Variants in FGF14 observed in about 807,000 individuals in gnomAD.
FGF14 encodes fibroblast growth factor homologous factor 4.
FGF14 carries 5 observed loss-of-function variants against 25.5 expected under a neutral mutation model. That is an observed-to-expected ratio of 0.20 (90% confidence interval 0.10 to 0.41). The LOEUF (loss-of-function observed/expected upper bound fraction) is 0.41. FGF14 is among the 10% of genes least tolerant of loss of function. The pLI is 1.00. For synonymous variants in FGF14, 138 were observed against 118.3 expected (o/e 1.17, Z -1.08); for missense variants, 222 against 320.1 (o/e 0.69, Z 2.34).
chr13:102,100,538 G>T (rs1035319083), intron 1 of FGF14, among the ~76,000 whole-genome samples: 1 of 152,182 alleles, frequency 6.6e-6, no homozygotes, highest in Non-Finnish European at 1.5e-5. Flanking sequence ...AGTGATATCA[G>T]TGACCAATGA....
intron 1 of FGF14, among the ~76,000 whole-genome samples, chr13:101,985,951 C>T (rs1015840551): frequency 6.6e-6 from 1 of 152,058 alleles, no homozygotes; most frequent in African/African-American, 2.4e-5. Flanking sequence ...CAACTGCTAC[C>T]TAAGATAAGG....
intron 1 of FGF14, among the ~76,000 whole-genome samples, chr13:102,134,124 A>G (rs1224401356): frequency 2.0e-5 from 3 of 152,224 alleles, no homozygotes; most frequent in Admixed American, 1.3e-4. Flanking sequence ...CAAATAAGTT[A>G]TAGTCCCTGC....
intron 4 of FGF14, among the ~76,000 whole-genome samples, chr13:101,723,582 G>A (rs2035149653): frequency 6.6e-6 from 1 of 151,928 alleles, no homozygotes; most frequent in African/African-American, 2.4e-5. Flanking sequence ...TACAATCATG[G>A]AAAAAGACCC....
intron 1 of FGF14, among the ~76,000 whole-genome samples, chr13:102,294,515 T>C (rs1405570790): frequency 6.6e-6 from 1 of 152,200 alleles, no homozygotes; most frequent in Non-Finnish European, 1.5e-5. Flanking sequence ...TTTCATGTTA[T>C]CTCTAAAAAT....
At chr13:101,835,949 G>A (rs961190038) in intron 3 of FGF14, among the ~76,000 whole-genome samples, 2 of 152,074 alleles carry the variant, frequency 1.3e-5, no homozygotes, top group Non-Finnish European at 2.9e-5. Flanking sequence ...ATGCAAAAGA[G>A]AGAGAGGGCT....
intron 1 of FGF14, among the ~76,000 whole-genome samples, chr13:101,994,492 T>G (rs1472682222): frequency 1.3e-5 from 2 of 152,026 alleles, no homozygotes; most frequent in Non-Finnish European, 2.9e-5. Flanking sequence ...ACAAGACTTT[T>G]TGTGTGTAAT....
intron 1 of FGF14, among the ~76,000 whole-genome samples, chr13:102,020,555 GAA>G (rs138235552): frequency 0.032 from 4,796 of 151,774 alleles, 243 homozygotes; most frequent in African/African-American, 0.11. Context: ...GAGAAACAAA[GAA>G]AGAGAGAGAG....
At chr13:102,309,727 C>G (rs1023844655) in intron 1 of FGF14, among the ~76,000 whole-genome samples, 2 of 152,168 alleles carry the variant, frequency 1.3e-5, no homozygotes. Context: ...ACATATTTAT[C>G]CATCAAAGGG....
chr13:102,211,827 A>C (rs1194446489), intron 1 of FGF14, among the ~76,000 whole-genome samples: 1 of 152,132 alleles, frequency 6.6e-6, no homozygotes, highest in East Asian at 1.9e-4. Flanking sequence ...CTGGGCAAGC[A>C]CTCTAGATCG....
chr13:102,380,299 C>T (rs1224772761), intron 1 of FGF14, among the ~76,000 whole-genome samples: 1 of 152,008 alleles, frequency 6.6e-6, no homozygotes, highest in East Asian at 1.9e-4. Context: ...TACCTGTTTT[C>T]AGTTTAAAGT....
intron 1 of FGF14, among the ~76,000 whole-genome samples, chr13:101,972,267 G>C (rs1401201877): frequency 2.0e-5 from 3 of 152,214 alleles, no homozygotes; most frequent in Non-Finnish European, 4.4e-5. Context: ...GAACGAGGTT[G>C]CTGGTACCAT....
At chr13:101,780,000 C>A (rs1331888595) in intron 3 of FGF14, among the ~76,000 whole-genome samples, 1 of 152,120 alleles carries the variant, frequency 6.6e-6, no homozygotes, top group Admixed American at 6.6e-5. Context: ...GTATCAAGGG[C>A]ATAGACTCTG....
chr13:101,915,727 G>A (rs890617632), intron 1 of FGF14, among the ~76,000 whole-genome samples: 3 of 152,222 alleles, frequency 2.0e-5, no homozygotes, highest in Non-Finnish European at 2.9e-5. Flanking sequence ...CAATTCGCCA[G>A]TTTTTCAATT....
chr13:102,247,564 A>T (rs1162280098), intron 1 of FGF14, among the ~76,000 whole-genome samples: 1 of 152,054 alleles, frequency 6.6e-6, no homozygotes, highest in African/African-American at 2.4e-5. Context: ...AATCAAAATG[A>T]CTATTATTAA....
Position 102,197,021 on chromosome 13 carries a change from T to C in FGF14, c.208+204450A>G, listed in dbSNP as rs555366921. Among the ~76,000 whole-genome samples, 17 of 152,026 alleles carry C rather than the reference T, an allele frequency of 1.1e-4. 1 individual carries two copies. Among genetic ancestry groups the C allele is most frequent in the Middle Eastern group, 6.8e-3 (2 of 292 alleles). Reference sequence around the variant, plus strand: ...AGATGGACTCTAGTGGTCTCAATGATAAGGAGAGAAAATAGAAAGGAAAGA... The same window carrying C: ...AGATGGACTCTAGTGGTCTCAATGACAAGGAGAGAAAATAGAAAGGAAAGA... On this transcript the variant is annotated intron_variant, in intron 1 of 4. Coordinates refer to the FGF14 transcript ENST00000376131.
At chr13:102,025,787 C>T (rs1322214285) in intron 1 of FGF14, among the ~76,000 whole-genome samples, 1 of 152,030 alleles carries the variant, frequency 6.6e-6, no homozygotes, top group Non-Finnish European at 1.5e-5. Flanking sequence ...TTCTTAACTT[C>T]ACTTTCAGAT....
At chr13:101,788,255 G>A (rs748424872) in intron 3 of FGF14, among the ~76,000 whole-genome samples, 4 of 152,086 alleles carry the variant, frequency 2.6e-5, no homozygotes, top group Non-Finnish European at 4.4e-5. Flanking sequence ...CTCCAGGGCA[G>A]GGTGACCCAG....
At chr13:101,944,016 A>AC (rs1651550871) in intron 1 of FGF14, among the ~76,000 whole-genome samples, 1 of 88,212 alleles carries the variant, frequency 1.1e-5, no homozygotes, top group African/African-American at 1.3e-4. Flanking sequence ...AAAAAAAAAC[A>AC]AAAAAAAAAC....
chr13:102,326,449 C>T (rs2056426065), intron 1 of FGF14, among the ~76,000 whole-genome samples: 1 of 151,894 alleles, frequency 6.6e-6, no homozygotes, highest in Non-Finnish European at 1.5e-5. Flanking sequence ...TTTCTTGGGA[C>T]ATATTAGTGA....
Sources: allele counts gnomAD v4.1 joint callset (sites outside exome capture counted in the v4.1 genomes callset), GRCh38; gene constraint gnomAD v4.1.1; transcripts MANE v1.5; gene names NCBI Gene and HGNC (gene_info 2026-07-23, HGNC 2026-07-21).